Variants in TBL1X observed in about 807,000 individuals in gnomAD.
The protein encoded by TBL1X is transducin beta like 1 X-linked, also known as F-box-like/WD repeat-containing protein TBL1X.
A neutral mutation model predicts 50.7 loss-of-function variants in TBL1X; 10 were observed. The observed-to-expected ratio is 0.20, with a 90% CI of 0.12 to 0.33. The LOEUF (loss-of-function observed/expected upper bound fraction) is 0.33, where lower values mean the gene tolerates loss of function less well. TBL1X is among the 10% of genes least tolerant of loss of function. The pLI is 1.00. For synonymous variants in TBL1X, 190 were observed against 214.7 expected, an observed-to-expected ratio of 0.88 and a Z score of 1.01; for missense variants, 340 against 504.4, an observed-to-expected ratio of 0.67 and a Z score of 3.12.
At chrX:9,682,577 G>A (rs140162233) in intron 5 of TBL1X, among the ~76,000 whole-genome samples, 1 of 111,902 alleles carries the variant, frequency 8.9e-6, no homozygotes, top group African/African-American at 3.3e-5. Context: ...AGAGCACAGC[G>A]CAGAGCTCGT....
chrX:9,515,490 A>G (rs886783922), intron 2 of TBL1X, among the ~76,000 whole-genome samples: 16 of 112,336 alleles, frequency 1.4e-4, no homozygotes, highest in Middle Eastern at 4.7e-3. Flanking sequence ...TGAGTGTGGA[A>G]GAGGAGGTGG....
At chrX:9,685,717 C>CTTTT (rs752837096) in intron 6 of TBL1X, among the ~76,000 whole-genome samples, 26 of 59,586 alleles carry the variant, frequency 4.4e-4, no homozygotes, top group East Asian at 6.3e-4. Context: ...CTTTTCTTTT[C>CTTTT]TTTTTTTTTT....
At chrX:9,480,581 T>A (rs1435902607) in intron 1 of TBL1X, among the ~76,000 whole-genome samples, 4 of 111,903 alleles carry the variant, frequency 3.6e-5, no homozygotes, top group African/African-American at 9.7e-5. Flanking sequence ...TTGTCCTGTT[T>A]GGAAAGTTGA....
chrX:9,670,281 G>GC (rs926490490), intron 5 of TBL1X, among the ~76,000 whole-genome samples: 5 of 110,401 alleles, frequency 4.5e-5, no homozygotes, highest in East Asian at 2.9e-4. Context: ...CGGTCCTGTG[G>GC]CCCCCCCTAC....
intron 2 of TBL1X, among the ~76,000 whole-genome samples, chrX:9,520,594 T>C (rs1365346569): frequency 1.8e-5 from 2 of 111,630 alleles, no homozygotes; most frequent in Non-Finnish European, 3.8e-5. Flanking sequence ...CCACGTTGGC[T>C]TCCAGGGTAG....
chrX:9,678,853 T>C (rs2083009047), intron 5 of TBL1X, among the ~76,000 whole-genome samples: 2 of 111,612 alleles, frequency 1.8e-5, no homozygotes, highest in Admixed American at 9.5e-5. Flanking sequence ...ACTTGGTTTG[T>C]TTTAAATGTT....
chrX:9,698,109 G>A (rs1390656078), intron 12 of TBL1X, among the ~76,000 whole-genome samples: 2 of 111,097 alleles, frequency 1.8e-5, no homozygotes, highest in African/African-American at 6.6e-5. Context: ...TGAATGCGCC[G>A]AGTATGGAGC....
chrX:9,502,588 T>C (rs1179129048), intron 2 of TBL1X, among the ~76,000 whole-genome samples: 1 of 112,484 alleles, frequency 8.9e-6, no homozygotes, highest in Non-Finnish European at 1.9e-5. Flanking sequence ...GGGGTTCACA[T>C]TCATTTCTGT....
rs761217293 is a variant in TBL1X at position 9,717,693 on chromosome X, C to T, written c.*1447C>T. On this transcript the variant is annotated 3_prime_UTR_variant, in exon 18 of 18. Coordinates refer to ENST00000645353, the MANE Select transcript of TBL1X (RefSeq NM_005647.4). Reference sequence around the variant, plus strand: ...ATCTTTCCCACAACCGTATAACGACCGATGGTCATTTCTCCAAGAGCAGGC... The same window carrying T: ...ATCTTTCCCACAACCGTATAACGACTGATGGTCATTTCTCCAAGAGCAGGC... The T allele has an allele frequency of 1.8e-5, 2 of 112,418 alleles. No homozygotes were observed. The highest frequency in any genetic ancestry group is 3.2e-5 in the African/African-American group (1 of 31,003). 9.3% of individuals were successfully genotyped at this position (112,418 alleles called of 1,213,427 possible). A position where few individuals can be genotyped will look rare whatever the true frequency, so the allele number is the denominator to read the frequency against.
At chrX:9,473,415 C>G (rs2081829887) in intron 1 of TBL1X, among the ~76,000 whole-genome samples, 1 of 112,067 alleles carries the variant, frequency 8.9e-6, no homozygotes, top group Non-Finnish European at 1.9e-5. Flanking sequence ...TTGCCAACTT[C>G]TGACAGTAGC....
In TBL1X at chrX:9,711,700, G is replaced by C; in HGVS notation, c.1529G>C (p.Ser510Thr). 8.3e-7 allele frequency: 1 copy of C among 1,210,071 alleles called. No individual in the cohort carries two copies. The highest frequency in any genetic ancestry group is 3.0e-5 in the East Asian group (1 of 33,653). ...TLTKHQEPVY[S>T]VAFSPDGKYL... ...ACGAAGCATCAGGAGCCTGTCTATA[G>C]CGTAGCTTTCAGCCCTGATGGGAAG... The change falls in exon 16 of 18, where the codon AGC becomes ACC. Residue 510 changes from serine to threonine, a missense_variant. By Grantham distance (58) the Ser-to-Thr change is moderately conservative. This residue lies in a region of TBL1X where 170 missense variants were observed against 272.6 expected (regional missense o/e 0.62). Coordinates refer to ENST00000645353, the MANE Select transcript of TBL1X (RefSeq NM_005647.4).
At chrX:9,703,471 G>A (rs111990749) in intron 12 of TBL1X, among the ~76,000 whole-genome samples, 3 of 111,734 alleles carry the variant, frequency 2.7e-5, no homozygotes, top group Non-Finnish European at 3.8e-5. Flanking sequence ...GAAAGAGACC[G>A]GAGACCTGAG....
chrX:9,494,584 T>C (rs1226197107), intron 1 of TBL1X, among the ~76,000 whole-genome samples: 1 of 112,201 alleles, frequency 8.9e-6, no homozygotes, highest in Non-Finnish European at 1.9e-5. Context: ...AAAAAAAGTT[T>C]TTTTAAAAAA....
chrX:9,598,784 A>G (rs756054843), intron 2 of TBL1X, among the ~76,000 whole-genome samples: 1 of 111,200 alleles, frequency 9.0e-6, no homozygotes, highest in Non-Finnish European at 1.9e-5. Flanking sequence ...TCCTGTGCCC[A>G]TCTTCCAGCT....
intron 2 of TBL1X, among the ~76,000 whole-genome samples, chrX:9,622,853 A>T (rs773856877): frequency 2.2e-3 from 248 of 111,840 alleles, no homozygotes; most frequent in African/African-American, 7.8e-3. Context: ...TATAAACAGC[A>T]TGTTGTTTAT....
At position 9,490,140 on chromosome X, in the gene TBL1X, AAC is replaced by A. The variant is rs780960494; in HGVS notation, c.-200-11638_-200-11637del. Among the ~76,000 whole-genome samples, 361 of 65,638 alleles carry A rather than the reference AAC, an allele frequency of 5.5e-3. 1 individual carries two copies. The highest frequency in any genetic ancestry group is 9.1e-3 in the Non-Finnish European group (292 of 32,178). The allele number at this position is 65,638 out of a possible 115,157, so 57.0% of individuals were successfully genotyped here. A position where few individuals can be genotyped will look rare whatever the true frequency, so the allele number is the denominator to read the frequency against. On this transcript the variant is annotated intron_variant, in intron 1 of 17. Coordinates refer to ENST00000645353, the MANE Select transcript of TBL1X (RefSeq NM_005647.4). ...ACTCACCACATTCAGCTACTTTTTA[AAC>A]ATTTTTTTTGTAGAGACAGAGTCTC...
chrX:9,548,149 C>T (rs962048976), intron 2 of TBL1X, among the ~76,000 whole-genome samples: 4 of 109,360 alleles, frequency 3.7e-5, no homozygotes, highest in South Asian at 4.0e-4. Context: ...AATTTTTCTC[C>T]GATGTTTATA....
Position 9,693,347 on chromosome X carries a change from A to G in TBL1X, c.981A>G (p.Gln327=), listed in dbSNP as rs17853085. ...EDGNLASTLG[Q]HKGPIFALKW... ...GTAACCTGGCCAGCACCTTAGGCCA[A>G]CATAAAGGCCCCATCTTTGCCTTGA... Residue 327 remains glutamine (Q), a synonymous_variant, in exon 11 of 18, where the codon CAA becomes CAG. Coordinates refer to ENST00000645353, the MANE Select transcript of TBL1X (RefSeq NM_005647.4). 11 of 1,211,588 alleles carry G rather than the reference A, an allele frequency of 9.1e-6. No homozygotes were observed. The highest frequency in any genetic ancestry group is 1.2e-5 in the Non-Finnish European group (11 of 895,280).
Position 9,537,514 on chromosome X carries a change from C to G in TBL1X, c.-131+35665C>G, listed in dbSNP as rs1047430839. Reference sequence around the variant, plus strand: ...CCCTCCCCACAGCCCCAGCAACCAACGTTCTACTTTCTCTCTCTATGATTT... The same window carrying G: ...CCCTCCCCACAGCCCCAGCAACCAAGGTTCTACTTTCTCTCTCTATGATTT... On this transcript the variant is annotated intron_variant, in intron 2 of 17. Coordinates refer to ENST00000645353, the MANE Select transcript of TBL1X (RefSeq NM_005647.4). Among the ~76,000 whole-genome samples, 5 of 111,959 alleles carry G rather than the reference C, an allele frequency of 4.5e-5. No homozygotes were observed. In the East Asian group the frequency reaches 1.4e-3, roughly 31 times the overall value.
Sources: gnomAD v4.1 joint callset for allele counts (sites outside exome capture counted in the v4.1 genomes callset) on GRCh38, gnomAD v4.1.1 for gene constraint, gnomAD v4.1.1 regional missense constraint, MANE v1.5 for transcripts, NCBI Gene and HGNC (gene_info 2026-07-23, HGNC 2026-07-21) for gene names.